Variants in ZNF71 observed in about 807,000 individuals in gnomAD.
ZNF71 encodes zinc finger protein 71.
A neutral mutation model predicts 6.7 loss-of-function variants in ZNF71; 3 were observed. The observed-to-expected ratio is 0.45, with a 90% CI of 0.20 to 1.16. The LOEUF (loss-of-function observed/expected upper bound fraction) is 1.16, where lower values mean the gene tolerates loss of function less well. Ranked by LOEUF, ZNF71 falls within the 50% of genes most tolerant of loss-of-function variation. The probability of loss-of-function intolerance (pLI) is 0.25; values close to 1 mark genes in which losing one functional copy is unlikely to be tolerated. For synonymous variants in ZNF71, 343 were observed against 311.1 expected (o/e 1.10, Z -1.08); for missense variants, 688 against 728.6 (o/e 0.94, Z 0.64).
Position 56,621,248 on chromosome 19 carries a change from T to A in ZNF71, c.161-20T>A, listed in dbSNP as rs544151801. On this transcript the variant is annotated intron_variant, in intron 3 of 3. Coordinates refer to ENST00000599599, the MANE Select transcript of ZNF71 (RefSeq NM_001370215.1). ...TCTTTAACTACATGTATTTGCATCTTCTGTTTTTGTTTTTTTCAGACTGGG... is the reference window on the plus strand; with the variant it reads ...TCTTTAACTACATGTATTTGCATCTACTGTTTTTGTTTTTTTCAGACTGGG... The A allele has an allele frequency of 3.4e-5, 52 of 1,513,984 alleles. 1 individual carries two copies. The African/African-American group carries it at 6.7e-4, about 20-fold the overall frequency. 93.8% of individuals were successfully genotyped at this position (1,513,984 alleles called of 1,614,324 possible). A position where few individuals can be genotyped will look rare whatever the true frequency, so the allele number is the denominator to read the frequency against.
At chr19:56,620,293 A>G (rs911625176) in intron 3 of ZNF71, among the ~76,000 whole-genome samples, 3 of 152,160 alleles carry the variant, frequency 2.0e-5, no homozygotes, top group Non-Finnish European at 4.4e-5. Flanking sequence ...ATACCAGAGA[A>G]GTGGCAAAGG....
At chr19:56,615,042 T>C (rs930390492) in intron 3 of ZNF71, among the ~76,000 whole-genome samples, 2 of 152,172 alleles carry the variant, frequency 1.3e-5, no homozygotes, top group African/African-American at 4.8e-5. Context: ...ATTTTGAGAT[T>C]CACCCATGTC....
At chr19:56,607,497 C>A (rs546279476) in intron 2 of ZNF71, among the ~76,000 whole-genome samples, 2 of 152,308 alleles carry the variant, frequency 1.3e-5, no homozygotes, top group South Asian at 4.1e-4. Flanking sequence ...CAGGCAGACA[C>A]AACTTCACAA....
chr19:56,618,636 G>A lies in ZNF71; in HGVS notation c.161-2632G>A, dbSNP rs922016953. On this transcript the variant is annotated intron_variant, in intron 3 of 3. Transcript: ENST00000599599. This position sits in a 1 kb window ranked among gnomAD's most constrained non-coding sequence, Gnocchi z 4.6. ...TTGGGAAGGCTCCCGTGGGGTTGTG[G>A]GGAAACAGGCCTGAAGGATAAGGAC... Among the ~76,000 whole-genome samples, 2 of 152,112 alleles carry A rather than the reference G, an allele frequency of 1.3e-5. No individual in the cohort carries two copies. The highest frequency in any genetic ancestry group is 4.1e-4 in the South Asian group (2 of 4,822).
intron 2 of ZNF71, chr19:56,610,528 G>A (rs367950418): frequency 2.6e-5 from 4 of 152,086 alleles, no homozygotes; most frequent in African/African-American, 7.2e-5. Flanking sequence ...CCCTACTGAT[G>A]GCCATTTGGG....
chr19:56,611,691 A>T (rs998804624), intron 2 of ZNF71, among the ~76,000 whole-genome samples: 3 of 152,260 alleles, frequency 2.0e-5, no homozygotes, highest in African/African-American at 7.2e-5. Flanking sequence ...GACTGAATCA[A>T]TATGTGCCAG....
chr19:56,607,327 G>T (rs1414670625), intron 2 of ZNF71, among the ~76,000 whole-genome samples: 1 of 152,184 alleles, frequency 6.6e-6, no homozygotes, highest in Non-Finnish European at 1.5e-5. Context: ...AAAGCAGGTA[G>T]CTTTTTATGT....
chr19:56,600,075 T>G (rs1161958221), intron 1 of ZNF71, among the ~76,000 whole-genome samples: 6 of 94,794 alleles, frequency 6.3e-5, no homozygotes, highest in African/African-American at 3.8e-5. Context: ...GTGTGTGTGT[T>G]TTTTTGTTTT....
intron 2 of ZNF71, among the ~76,000 whole-genome samples, chr19:56,602,305 G>T (rs546551215): frequency 2.6e-5 from 4 of 152,266 alleles, no homozygotes; most frequent in African/African-American, 9.6e-5. Flanking sequence ...TGTCTTATAT[G>T]ATTTCTTTAG....
chr19:56,596,871 C>G (rs953611071), intron 1 of ZNF71, among the ~76,000 whole-genome samples: 2 of 152,116 alleles, frequency 1.3e-5, no homozygotes, highest in African/African-American at 4.8e-5. Flanking sequence ...GAGGGAATCC[C>G]CGCTTGGAAA....
In ZNF71 at chr19:56,623,143, T is replaced by G; in HGVS notation, c.*386T>G. On this transcript the variant is annotated 3_prime_UTR_variant, in exon 4 of 4. Transcript: ENST00000599599. ...GCTGGTGGAGGGGAGGGAGGAGACA[T>G]CTCCCTCTTTGTCAGATACATCCTG... 1 of 224,760 alleles carries G rather than the reference T, an allele frequency of 4.4e-6. No homozygotes were observed. Among genetic ancestry groups the G allele is most frequent in the South Asian group, 1.1e-4 (1 of 9,120 alleles). The allele number at this position is 224,760 out of a possible 1,614,324, so 13.9% of individuals were successfully genotyped here.
chr19:56,621,540 G>A lies in ZNF71; in HGVS notation c.433G>A (p.Gly145Ser), dbSNP rs2148021403. 2 of 1,614,222 alleles carry A rather than the reference G, an allele frequency of 1.2e-6. No homozygotes were observed. Among genetic ancestry groups the A allele is most frequent in the South Asian group, 2.2e-5 (2 of 91,084 alleles). ...TGAACTGAAGGCATTTGCCAACCAA[G>A]GCTGTGTCCTGGTCCCACCACGGCT... is the stretch of plus-strand genomic sequence containing the variant. ...CHELKAFANQ[G>S]CVLVPPRLDD... is the part of the protein sequence containing the mutation. Residue 145 changes from glycine (G) to serine (S), a missense_variant, in exon 4 of 4, where the codon GGC becomes AGC. Transcript: ENST00000599599.
Position 56,603,105 on chromosome 19 carries a change from A to G in ZNF71, c.33+1514A>G, listed in dbSNP as rs370013112. On this transcript the variant is annotated intron_variant, in intron 2 of 3. Coordinates refer to ENST00000599599, the MANE Select transcript of ZNF71 (RefSeq NM_001370215.1). The surrounding 1 kb of genome is among the most constrained non-coding windows in gnomAD (Gnocchi z 4.6). ...GTACACATCACGTATCACAAAGTGT[A>G]CAATTCACTGATTTTGGGTACATTC... 1.3e-5 allele frequency among the ~76,000 whole-genome samples: 2 copies of G among 152,338 alleles called. No individual in the cohort carries two copies. The highest frequency in any genetic ancestry group is 2.4e-5 in the African/African-American group (1 of 41,576).
rs2044819684 is a variant in ZNF71, at chr19:56,618,899, G to T, written c.161-2369G>T. On this transcript the variant is annotated intron_variant, in intron 3 of 3. Transcript: ENST00000599599. The surrounding 1 kb of genome is among the most constrained non-coding windows in gnomAD (Gnocchi z 4.6). ...CTCCTCAGAAGACCGCACTCCCGGAGGAGTGGAGGACGCATTGCAGGGGTG... is the reference window on the plus strand; with the variant it reads ...CTCCTCAGAAGACCGCACTCCCGGATGAGTGGAGGACGCATTGCAGGGGTG... 6.6e-6 allele frequency among the ~76,000 whole-genome samples: 1 copy of T among 152,266 alleles called. No individual in the cohort carries two copies. The highest frequency in any genetic ancestry group is 2.1e-4 in the South Asian group (1 of 4,826).
chr19:56,600,092 GTTTGTTTTTTTT>G (rs1568503282), intron 1 of ZNF71, among the ~76,000 whole-genome samples: 1 of 112,944 alleles, frequency 8.9e-6, no homozygotes, highest in Admixed American at 9.3e-5. Flanking sequence ...TTTTTTTGGG[GTTTGTTTTTTTT>G]TTTTTTTTTT....
chr19:56,622,023 G>A lies in ZNF71; in HGVS notation c.916G>A (p.Asp306Asn), dbSNP rs141818908. Residue 306 changes from aspartate (D) to asparagine (N), a missense_variant, in exon 4 of 4, where the codon GAC becomes AAC. Physicochemically the swap from Asp to Asn is conservative, Grantham distance 23 (BLOSUM62 1). Transcript: ENST00000599599. ...HTGEKPYACG[D>N]CGKAFSQNMH... ...GGGGGAGAAGCCCTACGCGTGCGGGGACTGCGGCAAGGCCTTCAGCCAGAA... is the reference window on the plus strand; with the variant it reads ...GGGGGAGAAGCCCTACGCGTGCGGGAACTGCGGCAAGGCCTTCAGCCAGAA... 1.9e-6 allele frequency: 3 copies of A among 1,613,314 alleles called. No homozygotes were observed. The highest frequency in any genetic ancestry group is 2.7e-5 in the African/African-American group (2 of 74,874).
chr19:56,611,324 C>T (rs888211677), intron 2 of ZNF71, among the ~76,000 whole-genome samples: 2 of 152,174 alleles, frequency 1.3e-5, no homozygotes, highest in Non-Finnish European at 2.9e-5. Context: ...TCGTGAGAGG[C>T]AGCAGCCTGC....
At position 56,621,585 on chromosome 19, in the gene ZNF71, G is replaced by A. The variant is rs759189672; in HGVS notation, c.478G>A (p.Gly160Arg). 2.5e-6 allele frequency: 4 copies of A among 1,614,212 alleles called. No homozygotes were observed. In the South Asian group the frequency reaches 3.3e-5, roughly 13 times the overall value. Residue 160 changes from glycine (G) to arginine (R), a missense_variant, in exon 4 of 4, where the codon GGG becomes AGG. Physicochemically the swap from Gly to Arg is moderately radical, Grantham distance 125 (BLOSUM62 -2). Coordinates refer to ENST00000599599, the MANE Select transcript of ZNF71 (RefSeq NM_001370215.1). ...PPRLDDPTEKGACPPVRRGKN... is the reference protein window; with the variant it reads ...PPRLDDPTEKRACPPVRRGKN... ...ACGGCTGGACGACCCCACAGAAAAG[G>A]GGGCCTGTCCACCCGTAAGGCGTGG...
At position 56,598,296 on chromosome 19, in the gene ZNF71, A is replaced by G. The variant is rs1224144806; in HGVS notation, c.-53+2868A>G. On this transcript the variant is annotated intron_variant, in intron 1 of 3. Transcript: ENST00000599599. This position sits in a 1 kb window ranked among gnomAD's most constrained non-coding sequence, Gnocchi z 4.2. The stretch of plus-strand genomic sequence containing the variant: ...AGAGGGAACAGCAGATGCAGAGGCC[A>G]GGAGGCCTGGGGCCAAGCATGGGAG... 2.0e-5 allele frequency among the ~76,000 whole-genome samples: 3 copies of G among 152,058 alleles called. No homozygotes were observed. Among genetic ancestry groups the G allele is most frequent in the African/African-American group, 7.2e-5 (3 of 41,412 alleles).
Sources: allele counts gnomAD v4.1 joint callset (sites outside exome capture counted in the v4.1 genomes callset), GRCh38; gene constraint gnomAD v4.1.1; non-coding constraint Gnocchi (gnomAD v3.1); transcripts MANE v1.5; gene names NCBI Gene and HGNC (gene_info 2026-07-23, HGNC 2026-07-21).